The following SNTG1 variants were observed in gnomAD, a reference collection of about 807,000 sequenced individuals.
SNTG1 encodes the protein gamma-1-syntrophin.
SNTG1 carries 39 observed loss-of-function variants against 74.7 expected under a neutral mutation model. The observed-to-expected ratio is 0.52, with a 90% CI of 0.40 to 0.68. The LOEUF (loss-of-function observed/expected upper bound fraction) is 0.68. Among genes scored for constraint, SNTG1 ranks in the 30% least tolerant of loss-of-function variants. The pLI, the probability that SNTG1 is intolerant of heterozygous loss-of-function variation, is 0.00. For missense variants in SNTG1, 685 were observed against 609.5 expected, an observed-to-expected ratio of 1.12 and a Z score of -1.30; for synonymous variants, 254 against 217.1, an observed-to-expected ratio of 1.17 and a Z score of -1.49.
intron 12 of SNTG1, among the ~76,000 whole-genome samples, chr8:50,562,791 CAT>C (rs1320979453): frequency 1.3e-5 from 2 of 152,102 alleles, no homozygotes; most frequent in Non-Finnish European, 1.5e-5. Context: ...AATGTACTTG[CAT>C]ATGTTAGAAA....
chr8:50,081,748 C>T (rs1398098294), intron 1 of SNTG1, among the ~76,000 whole-genome samples: 5 of 152,124 alleles, frequency 3.3e-5, no homozygotes, highest in African/African-American at 1.2e-4. Flanking sequence ...ATTCTTCTGC[C>T]TCAGCCTTCT....
At chr8:50,189,708 C>T (rs1284120177) in intron 2 of SNTG1, among the ~76,000 whole-genome samples, 1 of 152,062 alleles carries the variant, frequency 6.6e-6, no homozygotes, top group Non-Finnish European at 1.5e-5. Context: ...CTAGGTGCTG[C>T]ATGGCATTTA....
intron 2 of SNTG1, among the ~76,000 whole-genome samples, chr8:50,348,945 C>G (rs950524482): frequency 9.9e-5 from 15 of 152,176 alleles, no homozygotes; most frequent in Non-Finnish European, 1.8e-4. Flanking sequence ...TTACAACAGC[C>G]TACCCTGTAG....
intron 2 of SNTG1, among the ~76,000 whole-genome samples, chr8:50,367,238 G>T (rs1045224883): frequency 6.6e-6 from 1 of 151,522 alleles, no homozygotes; most frequent in Non-Finnish European, 1.5e-5. Context: ...TTCTTTAAAT[G>T]TTAGAAATTT....
chr8:50,093,414 C>T (rs2079813270), intron 1 of SNTG1, among the ~76,000 whole-genome samples: 1 of 151,996 alleles, frequency 6.6e-6, no homozygotes, highest in Admixed American at 6.6e-5. Context: ...TCACACAGAC[C>T]ACATTTTTTA....
intron 15 of SNTG1, among the ~76,000 whole-genome samples, chr8:50,675,898 A>G (rs1338594007): frequency 6.6e-6 from 1 of 151,844 alleles, no homozygotes; most frequent in Non-Finnish European, 1.5e-5. Context: ...AAAGGATTTT[A>G]TTTCTCCTTT....
intron 2 of SNTG1, among the ~76,000 whole-genome samples, chr8:50,384,549 A>T (rs918400943): frequency 1.3e-5 from 2 of 152,172 alleles, no homozygotes; most frequent in African/African-American, 4.8e-5. Context: ...ACTCTGGGGA[A>T]TTATGCCATA....
intron 1 of SNTG1, among the ~76,000 whole-genome samples, chr8:50,089,214 T>G (rs1268365420): frequency 6.6e-6 from 1 of 152,108 alleles, no homozygotes; most frequent in Non-Finnish European, 1.5e-5. Flanking sequence ...TGTAGAAAGC[T>G]GAAACTGGAT....
chr8:49,990,690 C>T, intron 1 of SNTG1, among the ~76,000 whole-genome samples: 1 of 151,982 alleles, frequency 6.6e-6, no homozygotes, highest in East Asian at 1.9e-4. Flanking sequence ...AATTTGTGCA[C>T]AGGCATTTTA....
At chr8:50,332,139 T>G (rs898913491) in intron 2 of SNTG1, among the ~76,000 whole-genome samples, 1 of 152,154 alleles carries the variant, frequency 6.6e-6, no homozygotes, top group Non-Finnish European at 1.5e-5. Context: ...ACCCCAAAAT[T>G]TTTATGAAAT....
rs555358607 is a variant in SNTG1, at chr8:50,345,026, G to A, written c.-27-49186G>A. On this transcript the variant is annotated intron_variant, in intron 2 of 18. Transcript: ENST00000642720. ...ACAGGGAGAAGCAAGCCAAGGGGAG[G>A]CCTTGATAGAAACCAGACCTGCTGA... Among the ~76,000 whole-genome samples, 11 of 152,248 alleles carry A rather than the reference G, an allele frequency of 7.2e-5. 1 individual carries two copies. The South Asian group carries it at 2.1e-3, about 29-fold the overall frequency.
chr8:50,328,278 A>G (rs1365351018), intron 2 of SNTG1, among the ~76,000 whole-genome samples: 1 of 152,122 alleles, frequency 6.6e-6, no homozygotes, highest in African/African-American at 2.4e-5. Context: ...TTCACTTTTG[A>G]AGGATAATTT....
chr8:50,098,398 C>T (rs2080007354), intron 1 of SNTG1, among the ~76,000 whole-genome samples: 1 of 152,104 alleles, frequency 6.6e-6, no homozygotes, highest in African/African-American at 2.4e-5. Flanking sequence ...TGAAGATATA[C>T]TGACTTTTTC....
intron 12 of SNTG1, among the ~76,000 whole-genome samples, chr8:50,574,737 T>G (rs886253214): frequency 2.0e-5 from 3 of 152,190 alleles, no homozygotes; most frequent in Non-Finnish European, 4.4e-5. Context: ...TGGTTTAATA[T>G]TTGACATGTA....
At chr8:50,363,196 C>T (rs146243228) in intron 2 of SNTG1, among the ~76,000 whole-genome samples, 5 of 152,272 alleles carry the variant, frequency 3.3e-5, no homozygotes, top group African/African-American at 1.2e-4. Context: ...TACCTAGTCA[C>T]TCAACCAATA....
At chr8:50,509,982 T>G (rs1262546451) in intron 9 of SNTG1, among the ~76,000 whole-genome samples, 3 of 152,100 alleles carry the variant, frequency 2.0e-5, no homozygotes, top group African/African-American at 7.2e-5. Context: ...AGAGCATCCC[T>G]GTCTTGTGCC....
chr8:50,630,848 G>T (rs1281034158), intron 13 of SNTG1, among the ~76,000 whole-genome samples: 1 of 152,212 alleles, frequency 6.6e-6, no homozygotes, highest in Non-Finnish European at 1.5e-5. Context: ...TTGGAGACTG[G>T]ATGGAAAGGA....
chr8:50,651,978 G>A (rs192176108), intron 13 of SNTG1, among the ~76,000 whole-genome samples: 291 of 151,950 alleles, frequency 1.9e-3, no homozygotes, highest in African/African-American at 6.6e-3. Flanking sequence ...TCGAACCCCC[G>A]ACCTCAGGTG....
At chr8:50,594,026 T>C in intron 13 of SNTG1, among the ~76,000 whole-genome samples, 1 of 152,144 alleles carries the variant, frequency 6.6e-6, no homozygotes, top group East Asian at 1.9e-4. Context: ...CCTGATTTGG[T>C]TCATTTTTAC....
Sources: allele counts gnomAD v4.1 joint callset (sites outside exome capture counted in the v4.1 genomes callset), GRCh38; gene constraint gnomAD v4.1.1; transcripts MANE v1.5; gene names NCBI Gene and HGNC (gene_info 2026-07-23, HGNC 2026-07-21).